QPCTL: variants seen among roughly 807,000 people sequenced by gnomAD.
QPCTL encodes glutaminyl-peptide cyclotransferase-like protein.
In QPCTL, 31 loss-of-function variants were observed where a neutral mutation model predicts 34.6. That is an observed-to-expected ratio of 0.90 (90% CI 0.67 to 1.21). The LOEUF (loss-of-function observed/expected upper bound fraction) is 1.21. Ranked by LOEUF, QPCTL falls within the 50% of genes most tolerant of loss-of-function variation. QPCTL has a pLI of 0.00. For synonymous variants in QPCTL, 223 were observed against 226.9 expected, an observed-to-expected ratio of 0.98 and a Z score of 0.15; for missense variants, 474 against 507.8, an observed-to-expected ratio of 0.93 and a Z score of 0.64.
intron 5 of QPCTL, among the ~76,000 whole-genome samples, chr19:45,699,444 C>T (rs940731284): frequency 5.3e-5 from 8 of 151,874 alleles, no homozygotes; most frequent in Admixed American, 2.0e-4. Context: ...GCCAAGATTG[C>T]GCCACTGCAC....
intron 1 of QPCTL, 100 bp from the exon 2 acceptor site, chr19:45,693,313 A>G (rs1177299275): frequency 7.0e-7 from 1 of 1,422,046 alleles, no homozygotes; most frequent in Non-Finnish European, 9.4e-7. Context: ...CAGATTAGGA[A>G]GAGAACCCGG....
chr19:45,701,522 T>G (rs896362748), intron 5 of QPCTL, among the ~76,000 whole-genome samples: 1 of 152,112 alleles, frequency 6.6e-6, no homozygotes, highest in Admixed American at 6.6e-5. Context: ...GTGATCCACC[T>G]GCCTTGGTCT....
Position 45,702,966 on chromosome 19 carries a change from A to G in QPCTL, c.1066A>G (p.Thr356Ala), listed in dbSNP as rs528705174. Residue 356 changes from threonine (T) to alanine (A), a missense_variant, in exon 7 of 7, where the codon ACC becomes GCC. Physicochemically the swap from Thr to Ala is moderately conservative, Grantham distance 58. Transcript: ENST00000012049. ...FPAVWHTPAD[T>A]EVNLHPPTVH... The stretch of plus-strand genomic sequence containing the variant: ...TGCTGTCTGGCACACCCCTGCGGAC[A>G]CCGAGGTCAATCTCCACCCACCCAC... The G allele has an allele frequency of 2.5e-6, 4 of 1,614,006 alleles. No individual in the cohort carries two copies. Among genetic ancestry groups the G allele is most frequent in the African/African-American group, 2.7e-5 (2 of 74,994 alleles).
At chr19:45,695,949 C>G (rs959672184) in intron 3 of QPCTL, among the ~76,000 whole-genome samples, 9 of 151,848 alleles carry the variant, frequency 5.9e-5, no homozygotes, top group African/African-American at 2.2e-4. Flanking sequence ...TGGGTTCAAG[C>G]AATTCTCCTC....
intron 3 of QPCTL, among the ~76,000 whole-genome samples, chr19:45,696,381 A>G (rs1474904527): frequency 6.6e-6 from 1 of 151,958 alleles, no homozygotes; most frequent in Non-Finnish European, 1.5e-5. Flanking sequence ...TCACAAGGTC[A>G]GGAGTTCAAG....
intron 3 of QPCTL, among the ~76,000 whole-genome samples, chr19:45,696,245 G>A (rs550232684): frequency 2.6e-5 from 4 of 151,876 alleles, no homozygotes; most frequent in Non-Finnish European, 4.4e-5. Context: ...CCTCAAACCC[G>A]CAGAGCTTGC....
intron 6 of QPCTL, among the ~76,000 whole-genome samples, chr19:45,702,246 G>A (rs983314931): frequency 6.6e-6 from 1 of 151,808 alleles, no homozygotes; most frequent in South Asian, 2.1e-4. Context: ...GGATCCTTGA[G>A]CCCAGGAGTT....
At chr19:45,694,205 C>A (rs899232232) in intron 2 of QPCTL, among the ~76,000 whole-genome samples, 1 of 152,016 alleles carries the variant, frequency 6.6e-6, no homozygotes, top group Admixed American at 6.6e-5. Flanking sequence ...CATGGTGAAA[C>A]CTCATCTCTA....
intron 4 of QPCTL, 35 bp downstream of exon 4, chr19:45,698,734 G>C: frequency 6.2e-7 from 1 of 1,613,742 alleles, no homozygotes; most frequent in Non-Finnish European, 8.5e-7. Context: ...TGGCGAGGGA[G>C]GGAGCAGGTT....
intron 3 of QPCTL, among the ~76,000 whole-genome samples, chr19:45,697,927 G>A (rs1354980902): frequency 6.6e-6 from 1 of 152,082 alleles, no homozygotes; most frequent in South Asian, 2.1e-4. Context: ...CTAAGACCTG[G>A]ATTCAAACCT....
At chr19:45,695,770 GC>G in intron 3 of QPCTL, 52 bp downstream of exon 3, 1 of 1,503,458 alleles carries the variant, frequency 6.7e-7, no homozygotes, top group African/African-American at 1.4e-5. Context: ...CTTTTCCCAA[GC>G]CCCCACCCTC....
intron 3 of QPCTL, among the ~76,000 whole-genome samples, chr19:45,696,593 A>T (rs1164600745): frequency 1.3e-5 from 2 of 151,690 alleles, no homozygotes; most frequent in African/African-American, 4.8e-5. Context: ...CCATCTCAAA[A>T]AAAAAAAAAA....
At chr19:45,697,799 C>T (rs1967728704) in intron 3 of QPCTL, among the ~76,000 whole-genome samples, 1 of 152,204 alleles carries the variant, frequency 6.6e-6, no homozygotes, top group Admixed American at 6.5e-5. Context: ...GCATTTGTCT[C>T]AACTGCATTT....
Position 45,703,077 on chromosome 19 carries a change from A to T in QPCTL, c.*28A>T, listed in dbSNP as rs566443716. On this transcript the variant is annotated 3_prime_UTR_variant, in exon 7 of 7. Coordinates refer to ENST00000012049, the MANE Select transcript of QPCTL (RefSeq NM_017659.4). ...TGCTTGGCCAATGACTGTGGAGAGG[A>T]CTGTGAGAGAGAAGGTCCCAGCGGG... 3 of 1,613,648 alleles carry T rather than the reference A, an allele frequency of 1.9e-6. No homozygotes were observed. The East Asian group carries it at 6.7e-5, about 36-fold the overall frequency.
chr19:45,698,615 G>A lies in QPCTL; in HGVS notation c.702G>A (p.Lys234=). ...AGGCGCTGAAGGAGTGGGGACCCAAGGACTCCCTTTACGGTTCCCGGCACC... is the reference window on the plus strand; with the variant it reads ...AGGCGCTGAAGGAGTGGGGACCCAAAGACTCCCTTTACGGTTCCCGGCACC... ...GEEALKEWGP[K]DSLYGSRHLA... The change falls in exon 4 of 7, where the codon AAG becomes AAA. Residue 234 remains lysine, a synonymous_variant. Transcript: ENST00000012049. The A allele has an allele frequency of 6.2e-7, 1 of 1,614,088 alleles. No homozygotes were observed.
intron 3 of QPCTL, among the ~76,000 whole-genome samples, chr19:45,696,477 G>A (rs1385215125): frequency 2.0e-5 from 3 of 151,962 alleles, no homozygotes; most frequent in African/African-American, 7.3e-5. Context: ...TGTAACCCCA[G>A]CTACTCGGGA....
At position 45,701,890 on chromosome 19, in the gene QPCTL, G is replaced by T; in HGVS notation, c.979G>T (p.Asp327Tyr). 1.2e-6 allele frequency: 2 copies of T among 1,613,216 alleles called. No individual in the cohort carries two copies. Among genetic ancestry groups the T allele is most frequent in the Admixed American group, 1.7e-5 (1 of 59,996 alleles). The change falls in exon 6 of 7, where the codon GAC becomes TAC. Residue 327 changes from aspartate to tyrosine, a missense_variant. By Grantham distance (160) the Asp-to-Tyr change is radical (BLOSUM62 -3). Transcript: ENST00000012049. ...GGAGCCCTTTGGCTCTGTGGAAGAC[G>T]ACCACATCCCCTTCCTCCGCAGAGG... ...PGEPFGSVED[D>Y]HIPFLRRGVP... is the part of the protein sequence containing the mutation.
intron 5 of QPCTL, among the ~76,000 whole-genome samples, chr19:45,700,262 T>C (rs1486252896): frequency 2.0e-5 from 3 of 151,836 alleles, no homozygotes; most frequent in Non-Finnish European, 4.4e-5. Context: ...CTGGCGAATA[T>C]GGTAAAACCC....
Position 45,702,955 on chromosome 19 carries a change from C to G in QPCTL, c.1055C>G (p.Thr352Ser), listed in dbSNP as rs773297317. ...ISTPFPAVWH[T>S]PADTEVNLHP... ...ACGCCCTTCCCTGCTGTCTGGCACACCCCTGCGGACACCGAGGTCAATCTC... is the reference window on the plus strand; with the variant it reads ...ACGCCCTTCCCTGCTGTCTGGCACAGCCCTGCGGACACCGAGGTCAATCTC... Residue 352 changes from threonine (T) to serine (S), a missense_variant, in exon 7 of 7, where the codon ACC becomes AGC. Thr to Ser is a moderately conservative substitution (Grantham distance 58). Transcript: ENST00000012049. 6.2e-7 allele frequency: 1 copy of G among 1,614,046 alleles called. No individual in the cohort carries two copies.
Sources: allele counts gnomAD v4.1 joint callset (sites outside exome capture counted in the v4.1 genomes callset), GRCh38; gene constraint gnomAD v4.1.1; transcripts MANE v1.5; gene names NCBI Gene and HGNC (gene_info 2026-07-23, HGNC 2026-07-21).